The following C8orf34 variants were observed in gnomAD, a reference collection of about 807,000 sequenced individuals.
C8orf34 encodes chromosome 8 open reading frame 34, also known as uncharacterized protein C8orf34.
A neutral mutation model predicts 68.3 loss-of-function variants in C8orf34; 65 were observed. The ratio of observed to expected loss-of-function variants is 0.95; its 90% CI spans 0.78 to 1.17. The LOEUF (loss-of-function observed/expected upper bound fraction) is 1.17, where lower values mean the gene tolerates loss of function less well. C8orf34 is among the 50% of genes most tolerant of loss of function. C8orf34 has a pLI of 0.00. For synonymous variants in C8orf34, 244 were observed against 241.2 expected (o/e 1.01, Z -0.11); for missense variants, 664 against 655.4 (o/e 1.01, Z -0.14).
chr8:68,773,139 G>A (rs1823402215), intron 10 of C8orf34, among the ~76,000 whole-genome samples: 1 of 152,088 alleles, frequency 6.6e-6, no homozygotes, highest in Non-Finnish European at 1.5e-5. Flanking sequence ...TGCTTTGAAG[G>A]GGATTTTATT....
At chr8:68,702,422 G>A (rs1327814987) in intron 8 of C8orf34, among the ~76,000 whole-genome samples, 1 of 152,148 alleles carries the variant, frequency 6.6e-6, no homozygotes, top group African/African-American at 2.4e-5. Flanking sequence ...TTGCAAGACT[G>A]CATCTGAATT....
At chr8:68,563,890 C>CGGAT (rs1816506864) in intron 7 of C8orf34, among the ~76,000 whole-genome samples, 1 of 151,752 alleles carries the variant, frequency 6.6e-6, no homozygotes, top group African/African-American at 2.4e-5. Context: ...GAAACAAAAT[C>CGGAT]AGGCAAAAGA....
chr8:68,806,252 T>C (rs965099901), intron 12 of C8orf34, among the ~76,000 whole-genome samples: 1 of 152,140 alleles, frequency 6.6e-6, no homozygotes, highest in Non-Finnish European at 1.5e-5. Flanking sequence ...AGTTTTATTC[T>C]GTTTGTCACT....
At chr8:68,649,707 G>A (rs927266384) in intron 8 of C8orf34, among the ~76,000 whole-genome samples, 18 of 152,118 alleles carry the variant, frequency 1.2e-4, no homozygotes, top group Non-Finnish European at 2.4e-4. Flanking sequence ...CATAGGGGAG[G>A]GAGGGCCTTT....
intron 7 of C8orf34, among the ~76,000 whole-genome samples, chr8:68,567,599 T>TTTTTTTTTTTTTTG: frequency 7.7e-6 from 1 of 130,378 alleles, no homozygotes; most frequent in Non-Finnish European, 1.6e-5. Flanking sequence ...TTTTTTTTTT[T>TTTTTTTTTTTTTTG]TTTTTTTTTT....
intron 8 of C8orf34, among the ~76,000 whole-genome samples, chr8:68,681,105 G>A (rs1400607308): frequency 2.0e-5 from 3 of 152,086 alleles, no homozygotes; most frequent in African/African-American, 7.2e-5. Context: ...CCTTATGGTT[G>A]TCTTCCCTTG....
At chr8:68,550,844 G>A (rs571532905) in intron 7 of C8orf34, among the ~76,000 whole-genome samples, 1 of 151,298 alleles carries the variant, frequency 6.6e-6, no homozygotes, top group African/African-American at 2.4e-5. Flanking sequence ...TTTCTGAGGA[G>A]AAGTCAAATG....
intron 10 of C8orf34, among the ~76,000 whole-genome samples, chr8:68,765,708 C>T (rs1823152339): frequency 6.6e-6 from 1 of 152,162 alleles, no homozygotes; most frequent in African/African-American, 2.4e-5. Flanking sequence ...TTATGACAGA[C>T]TAGATGATGC....
chr8:68,423,154 T>C (rs1039784885), intron 1 of C8orf34, among the ~76,000 whole-genome samples: 11 of 152,218 alleles, frequency 7.2e-5, no homozygotes, highest in African/African-American at 2.7e-4. Context: ...TGCAAATTTC[T>C]GCAGCGGGCT....
intron 1 of C8orf34, among the ~76,000 whole-genome samples, chr8:68,432,237 G>T (rs1810481119): frequency 6.6e-6 from 1 of 150,898 alleles, no homozygotes. Flanking sequence ...ATTCTTAAAT[G>T]TATAGTGAAT....
At chr8:68,810,216 G>A (rs1464398014) in intron 12 of C8orf34, among the ~76,000 whole-genome samples, 2 of 152,164 alleles carry the variant, frequency 1.3e-5, no homozygotes, top group Non-Finnish European at 2.9e-5. Context: ...GAGTAGTAAG[G>A]GGTGCGTGAG....
intron 8 of C8orf34, among the ~76,000 whole-genome samples, chr8:68,646,605 C>T (rs1478324556): frequency 6.6e-6 from 1 of 152,086 alleles, no homozygotes; most frequent in African/African-American, 2.4e-5. Flanking sequence ...TTTTGACCAA[C>T]ATATTCTCTT....
At chr8:68,383,803 T>C (rs1808144378) in intron 1 of C8orf34, among the ~76,000 whole-genome samples, 1 of 152,214 alleles carries the variant, frequency 6.6e-6, no homozygotes, top group South Asian at 2.1e-4. Flanking sequence ...CTTGTGCCAA[T>C]GTGTCCAGGA....
intron 10 of C8orf34, among the ~76,000 whole-genome samples, chr8:68,772,412 C>T (rs576032067): frequency 5.9e-5 from 9 of 152,292 alleles, no homozygotes; most frequent in African/African-American, 7.2e-5. Flanking sequence ...TCACTCTCTA[C>T]GATTTTCCAT....
chr8:68,496,113 G>A (rs1417279661), intron 5 of C8orf34, among the ~76,000 whole-genome samples: 1 of 152,140 alleles, frequency 6.6e-6, no homozygotes, highest in Non-Finnish European at 1.5e-5. Flanking sequence ...TTAAAAAGAA[G>A]ACTTTTTCCT....
chr8:68,547,069 A>G (rs562387238), intron 7 of C8orf34, among the ~76,000 whole-genome samples: 2 of 151,916 alleles, frequency 1.3e-5, no homozygotes, highest in South Asian at 2.1e-4. Flanking sequence ...GATGAAATGA[A>G]TCAATGAAAT....
intron 1 of C8orf34, among the ~76,000 whole-genome samples, chr8:68,349,994 C>T (rs1010602463): frequency 6.6e-6 from 1 of 151,610 alleles, no homozygotes; most frequent in South Asian, 2.1e-4. Flanking sequence ...TGTTATTTCT[C>T]ATCTTCTCCT....
chr8:68,365,016 AAAAG>A (rs1185374872), intron 1 of C8orf34, among the ~76,000 whole-genome samples: 7 of 151,544 alleles, frequency 4.6e-5, no homozygotes, highest in African/African-American at 1.5e-4. Flanking sequence ...AATAAAGAAA[AAAAG>A]AGAGAAGAAT....
Position 68,803,473 on chromosome 8 carries a change from GA to G in C8orf34, c.1550-12410del, listed in dbSNP as rs549937600. On this transcript the variant is annotated intron_variant, in intron 12 of 13. Coordinates refer to ENST00000518698, the MANE Select transcript of C8orf34 (RefSeq NM_052958.4). ...TCATGACAAAAAATTCAGTGGCTTT[GA>G]AACGTAAGAAAAATTTCTTAATCTA... 1.1e-3 allele frequency among the ~76,000 whole-genome samples: 170 copies of G among 151,982 alleles called. 1 individual carries two copies. The highest frequency in any genetic ancestry group is 3.4e-3 in the African/African-American group (142 of 41,470).
Sources: allele counts gnomAD v4.1 joint callset (sites outside exome capture counted in the v4.1 genomes callset), GRCh38; gene constraint gnomAD v4.1.1; transcripts MANE v1.5; gene names NCBI Gene and HGNC (gene_info 2026-07-23, HGNC 2026-07-21).